The following ATXN10 variants were observed in gnomAD, a reference collection of about 807,000 sequenced individuals.
ATXN10 encodes ataxin-10.
A neutral mutation model predicts 52.9 loss-of-function variants in ATXN10; 28 were observed. The observed-to-expected ratio is 0.53, with a 90% CI of 0.39 to 0.73. The LOEUF is 0.73. ATXN10 is among the 30% of genes least tolerant of loss of function. The pLI is 0.00. For synonymous variants in ATXN10, 226 were observed against 221.5 expected (o/e 1.02, Z -0.18); for missense variants, 565 against 577.0 (o/e 0.98, Z 0.21).
intron 9 of ATXN10, among the ~76,000 whole-genome samples, chr22:45,806,734 C>T (rs1382329385): frequency 6.6e-6 from 1 of 152,124 alleles, no homozygotes; most frequent in Non-Finnish European, 1.5e-5. Flanking sequence ...TGGCTACCTA[C>T]TTGCCCCAAT....
At position 45,824,673 on chromosome 22, in the gene ATXN10, T is replaced by A. The variant is rs1928760799; in HGVS notation, c.1237+17651T>A. Among the ~76,000 whole-genome samples the A allele has an allele frequency of 6.6e-6, 1 of 152,240 alleles. No homozygotes were observed. Among genetic ancestry groups the A allele is most frequent in the South Asian group, 2.1e-4 (1 of 4,836 alleles). On this transcript the variant is annotated intron_variant, in intron 10 of 11. Coordinates refer to ENST00000252934, the MANE Select transcript of ATXN10 (RefSeq NM_013236.4). This position sits in a 1 kb window ranked among gnomAD's most constrained non-coding sequence, Gnocchi z 5.2. Reference sequence around the variant, plus strand: ...TAAACACATCACATATCCATGGGTATATGGTGGCAGCTAGAAAACAAATTT... The same window carrying A: ...TAAACACATCACATATCCATGGGTAAATGGTGGCAGCTAGAAAACAAATTT...
chr22:45,721,249 A>G (rs1188079006), intron 6 of ATXN10, among the ~76,000 whole-genome samples: 1 of 152,174 alleles, frequency 6.6e-6, no homozygotes, highest in Non-Finnish European at 1.5e-5. Flanking sequence ...ATTGGAGTGA[A>G]TATTAACAAA....
At position 45,790,815 on chromosome 22, in the gene ATXN10, C is replaced by G. The variant is rs2882654; in HGVS notation, c.1174-16144C>G. On this transcript the variant is annotated intron_variant, in intron 9 of 11. Transcript: ENST00000252934. The surrounding 1 kb of genome is among the most constrained non-coding windows in gnomAD (Gnocchi z 4.7). ...CCTCTTTATATCTTTTTATCCTGAC[C>G]TTCTAGATCTTATTTCCCATTTCAT... is the stretch of plus-strand genomic sequence containing the variant. Among the ~76,000 whole-genome samples, 2 of 152,070 alleles carry G rather than the reference C, an allele frequency of 1.3e-5. No individual in the cohort carries two copies. Among genetic ancestry groups the G allele is most frequent in the Non-Finnish European group, 2.9e-5 (2 of 68,018 alleles).
chr22:45,764,995 T>C (rs1281311402), intron 9 of ATXN10, among the ~76,000 whole-genome samples: 2 of 152,244 alleles, frequency 1.3e-5, no homozygotes, highest in Non-Finnish European at 2.9e-5. Flanking sequence ...AGTAATCTTA[T>C]ATTTTACAGT....
chr22:45,677,333 T>C lies in ATXN10; in HGVS notation c.116+5154T>C, dbSNP rs1922737249. 6.6e-6 allele frequency: 1 copy of C among 152,328 alleles called. No homozygotes were observed. Among genetic ancestry groups the C allele is most frequent in the Non-Finnish European group, 1.5e-5 (1 of 68,026 alleles). The allele number at this position is 152,328 out of a possible 1,614,324, so 9.4% of individuals were successfully genotyped here. A position where few individuals can be genotyped will look rare whatever the true frequency, so the allele number is the denominator to read the frequency against. ...TATCAGTTTCTTGTGGAGTTGCTGCTATTTCTATAACTTATTACTCATTGC... is the reference window on the plus strand; with the variant it reads ...TATCAGTTTCTTGTGGAGTTGCTGCCATTTCTATAACTTATTACTCATTGC... On this transcript the variant is annotated intron_variant, in intron 1 of 11. Coordinates refer to ENST00000252934, the MANE Select transcript of ATXN10 (RefSeq NM_013236.4). The surrounding 1 kb of genome is among the most constrained non-coding windows in gnomAD (Gnocchi z 4.1).
At chr22:45,740,727 T>TAC (rs1311708053) in intron 9 of ATXN10, 189 bp downstream of exon 9, 5,443 of 379,750 alleles carry the variant, frequency 0.014, 209 homozygotes, top group African/African-American at 0.11. Flanking sequence ...CACATATATA[T>TAC]ACACACACAC....
intron 8 of ATXN10, among the ~76,000 whole-genome samples, chr22:45,739,719 A>G (rs1398761131): frequency 1.3e-5 from 2 of 152,170 alleles, no homozygotes; most frequent in Non-Finnish European, 2.9e-5. Context: ...TAAAATTGGG[A>G]AAGTGATACC....
At chr22:45,773,933 G>T (rs1926864152) in intron 9 of ATXN10, among the ~76,000 whole-genome samples, 1 of 152,226 alleles carries the variant, frequency 6.6e-6, no homozygotes, top group East Asian at 1.9e-4. Flanking sequence ...TCTATGTAAT[G>T]ATTTCCCATT....
rs136028 is a variant in ATXN10 at position 45,840,335 on chromosome 22, AAGAGAG to A, written c.1238-2650_1238-2645del. Among the ~76,000 whole-genome samples the A allele has an allele frequency of 6.6e-6, 1 of 152,036 alleles. No homozygotes were observed. Among genetic ancestry groups the A allele is most frequent in the African/African-American group, 2.4e-5 (1 of 41,314 alleles). ...TGCAGTGTGATGAGAACTGTTAAAA[AAGAGAG>A]AGAGAATGCATTGGAAACAGACAGC... On this transcript the variant is annotated intron_variant, in intron 10 of 11. Transcript: ENST00000252934. The surrounding 1 kb of genome is among the most constrained non-coding windows in gnomAD (Gnocchi z 5.8).
At chr22:45,702,919 G>T in intron 5 of ATXN10, 72 bp downstream of exon 5, 2 of 1,581,858 alleles carry the variant, frequency 1.3e-6, no homozygotes, top group Non-Finnish European at 1.7e-6. Flanking sequence ...GAGGTTTTAA[G>T]TAAAAATTTG....
chr22:45,824,632 G>A lies in ATXN10; in HGVS notation c.1237+17610G>A, dbSNP rs1042379237. Among the ~76,000 whole-genome samples the A allele has an allele frequency of 2.0e-5, 3 of 152,204 alleles. No individual in the cohort carries two copies. The highest frequency in any genetic ancestry group is 7.2e-5 in the African/African-American group (3 of 41,454). ...GCATCAGATGCTAGTTGGGAACAAT[G>A]ACTTACAAAGTGCAGTAAACACATC... On this transcript the variant is annotated intron_variant, in intron 10 of 11. Coordinates refer to ENST00000252934, the MANE Select transcript of ATXN10 (RefSeq NM_013236.4). This position sits in a 1 kb window ranked among gnomAD's most constrained non-coding sequence, Gnocchi z 5.2.
intron 9 of ATXN10, among the ~76,000 whole-genome samples, chr22:45,756,147 CT>C (rs145197366): frequency 8.6e-5 from 13 of 150,640 alleles, no homozygotes; most frequent in Admixed American, 1.3e-4. Context: ...TTTACCTAGA[CT>C]TTTTTTTTTT....
chr22:45,767,880 G>T (rs1014111545), intron 9 of ATXN10, among the ~76,000 whole-genome samples: 1 of 152,144 alleles, frequency 6.6e-6, no homozygotes, highest in Non-Finnish European at 1.5e-5. Flanking sequence ...CGTTGGTATT[G>T]TTACTCTGAA....
chr22:45,814,639 T>C (rs1226326425), intron 10 of ATXN10, among the ~76,000 whole-genome samples: 1 of 152,224 alleles, frequency 6.6e-6, no homozygotes, highest in African/African-American at 2.4e-5. Flanking sequence ...GAAATGCAGA[T>C]ACATGTTTAT....
At chr22:45,675,535 A>G (rs958422277) in intron 1 of ATXN10, 4 of 152,250 alleles carry the variant, frequency 2.6e-5, no homozygotes, top group Non-Finnish European at 4.4e-5. Context: ...GCCAGCTGCC[A>G]TGTCATGAGG....
rs73889616 is a variant in ATXN10, at chr22:45,789,407, G to C, written c.1174-17552G>C. 6.6e-6 allele frequency among the ~76,000 whole-genome samples: 1 copy of C among 152,034 alleles called. No individual in the cohort carries two copies. Among genetic ancestry groups the C allele is most frequent in the Non-Finnish European group, 1.5e-5 (1 of 68,024 alleles). ...AATCATTGTTAAGTATCTCGGGACC[G>C]GGCAAGGGATGCAAGGATGAGTGGA... On this transcript the variant is annotated intron_variant, in intron 9 of 11. Transcript: ENST00000252934. This position sits in a 1 kb window ranked among gnomAD's most constrained non-coding sequence, Gnocchi z 4.0.
In ATXN10 at chr22:45,744,911, T is replaced by C. The variant is rs1192689492; in HGVS notation, c.1173+4373T>C. On this transcript the variant is annotated intron_variant, in intron 9 of 11. Transcript: ENST00000252934. The surrounding 1 kb of genome is among the most constrained non-coding windows in gnomAD (Gnocchi z 4.9). ...TGCTTAAGTCTGTACACGTGATAGATGTAGTGTTTCCTGAATTGTAAAGGA... is the reference window on the plus strand; with the variant it reads ...TGCTTAAGTCTGTACACGTGATAGACGTAGTGTTTCCTGAATTGTAAAGGA... The C allele has an allele frequency of 1.3e-5, 2 of 152,248 alleles. No individual in the cohort carries two copies. The highest frequency in any genetic ancestry group is 4.8e-5 in the African/African-American group (2 of 41,468). The allele number at this position is 152,248 out of a possible 1,614,324, so 9.4% of individuals were successfully genotyped here.
intron 10 of ATXN10, among the ~76,000 whole-genome samples, chr22:45,815,363 T>C (rs192469588): frequency 6.6e-5 from 10 of 152,270 alleles, no homozygotes; most frequent in Admixed American, 2.6e-4. Flanking sequence ...AGGAGGATGC[T>C]GGACATGTTT....
Position 45,841,647 on chromosome 22 carries a change from G to T in ATXN10, c.1238-1344G>T, listed in dbSNP as rs1040990204. Among the ~76,000 whole-genome samples the T allele has an allele frequency of 1.3e-5, 2 of 152,180 alleles. No homozygotes were observed. Among genetic ancestry groups the T allele is most frequent in the African/African-American group, 2.4e-5 (1 of 41,448 alleles). On this transcript the variant is annotated intron_variant, in intron 10 of 11. Transcript: ENST00000252934. The surrounding 1 kb of genome is among the most constrained non-coding windows in gnomAD (Gnocchi z 5.1). ...GCATACAGCTGACTGTGTTTAGTAC[G>T]TTTCAGTTGTCTGACTTAATTGGAC...
Sources: gnomAD v4.1 joint callset for allele counts (sites outside exome capture counted in the v4.1 genomes callset) on GRCh38, gnomAD v4.1.1 for gene constraint, Gnocchi (gnomAD v3.1) non-coding constraint, MANE v1.5 for transcripts, NCBI Gene and HGNC (gene_info 2026-07-23, HGNC 2026-07-21) for gene names.